PRPF38B: variants seen among roughly 807,000 people sequenced by gnomAD.
PRPF38B encodes pre-mRNA processing factor 38B.
PRPF38B carries 18 observed loss-of-function variants against 67.2 expected under a neutral mutation model. That is an observed-to-expected ratio of 0.27 (90% CI 0.19 to 0.40). The LOEUF is 0.40. Among genes scored for constraint, PRPF38B ranks in the 10% least tolerant of loss-of-function variants. The pLI, the probability that PRPF38B is intolerant of heterozygous loss-of-function variation, is 1.00. For synonymous variants in PRPF38B, 246 were observed against 234.2 expected, an observed-to-expected ratio of 1.05 and a Z score of -0.46; for missense variants, 544 against 684.9, an observed-to-expected ratio of 0.79 and a Z score of 2.30.
intron 2 of PRPF38B, 72 bp downstream of exon 2, chr1:108,695,842 G>T: frequency 1.3e-6 from 2 of 1,519,822 alleles, no homozygotes; most frequent in South Asian, 1.2e-5. Context: ...AGAACTAGAG[G>T]CCTGTCAATT....
At chr1:108,693,460 C>A in intron 1 of PRPF38B, 1 of 254,002 alleles carries the variant, frequency 3.9e-6, no homozygotes, top group Non-Finnish European at 6.2e-6. Context: ...GCCACCTGTG[C>A]ATTGGGCTAA....
At chr1:108,699,101 G>C in intron 5 of PRPF38B, 61 bp from the exon 6 acceptor site, 1 of 1,528,940 alleles carries the variant, frequency 6.5e-7, no homozygotes, top group Non-Finnish European at 8.7e-7. Context: ...AAGTTTTACT[G>C]TGAAAAGAAT....
chr1:108,692,551 C>CG lies in PRPF38B; in HGVS notation c.-41_-40insG. ...GAAGAGCGAGATCGAGCTTGGCCCC[C>CG]TCCCCCCCCTCCTTCCCTCCCTCCT... is the stretch of plus-strand genomic sequence containing the variant. On this transcript the variant is annotated 5_prime_UTR_variant, in exon 1 of 6. Coordinates refer to ENST00000370025, the MANE Select transcript of PRPF38B (RefSeq NM_018061.4). 2 of 1,476,946 alleles carry CG rather than the reference C, an allele frequency of 1.4e-6. No homozygotes were observed. The highest frequency in any genetic ancestry group is 1.8e-6 in the Non-Finnish European group (2 of 1,104,208). The allele number at this position is 1,476,946 out of a possible 1,614,324, so 91.5% of individuals were successfully genotyped here. A position where few individuals can be genotyped will look rare whatever the true frequency, so the allele number is the denominator to read the frequency against.
chr1:108,698,323 G>A (rs1228674471), intron 4 of PRPF38B: 8 of 310,670 alleles, frequency 2.6e-5, no homozygotes, highest in South Asian at 7.6e-5. Context: ...TAAGTCAATC[G>A]TTCCGCATAG....
At position 108,692,405 on chromosome 1, in the gene PRPF38B, T is replaced by G; in HGVS notation, c.-187T>G. On this transcript the variant is annotated 5_prime_UTR_variant, in exon 1 of 6. Transcript: ENST00000370025. ...TTCTCGCGGTCTGGGTTTCGCTGTC[T>G]GCTCTTGGCCCGGGGTCATTTTGTC... 1 of 663,348 alleles carries G rather than the reference T, an allele frequency of 1.5e-6. No individual in the cohort carries two copies. Among genetic ancestry groups the G allele is most frequent in the Non-Finnish European group, 2.5e-6 (1 of 400,720 alleles). The allele number at this position is 663,348 out of a possible 1,614,324, so 41.1% of individuals were successfully genotyped here.
chr1:108,698,972 TC>T, intron 5 of PRPF38B, 145 bp downstream of exon 5: 1 of 1,348,540 alleles, frequency 7.4e-7, no homozygotes, highest in Non-Finnish European at 9.9e-7. Flanking sequence ...ATTATTTTCT[TC>T]CTTTCAGGGC....
rs1239676064 is a variant in PRPF38B at position 108,699,626 on chromosome 1, A to G, written c.1247A>G (p.Lys416Arg). The G allele has an allele frequency of 5.8e-6, 9 of 1,556,382 alleles. No homozygotes were observed. Among genetic ancestry groups the G allele is most frequent in the Non-Finnish European group, 7.8e-6 (9 of 1,149,746 alleles). ...GATGATAGGCGGCACAGAGATGACA[A>G]AAGAGATTCCAAGAAAGAGAAAAAA... ...DKDDRRHRDD[K>R]RDSKKEKKHS... The change falls in exon 6 of 6, where the codon AAA becomes AGA. Residue 416 changes from lysine (K) to arginine (R), a missense_variant. Transcript: ENST00000370025.
chr1:108,692,366 C>A lies in PRPF38B; in HGVS notation c.-226C>A, dbSNP rs1231505412. The A allele has an allele frequency of 1.2e-5, 7 of 565,444 alleles. No individual in the cohort carries two copies. The highest frequency in any genetic ancestry group is 1.9e-5 in the Non-Finnish European group (6 of 322,048). 35.0% of individuals were successfully genotyped at this position (565,444 alleles called of 1,614,324 possible). A position where few individuals can be genotyped will look rare whatever the true frequency, so the allele number is the denominator to read the frequency against. On this transcript the variant is annotated 5_prime_UTR_variant, in exon 1 of 6. Transcript: ENST00000370025. Reference sequence around the variant, plus strand: ...ATCGAGCTCCCTGGCTGCCGGCTCGCCTTCTGCGTGGAGTTCTCGCGGTCT... The same window carrying A: ...ATCGAGCTCCCTGGCTGCCGGCTCGACTTCTGCGTGGAGTTCTCGCGGTCT...
chr1:108,699,821 G>T lies in PRPF38B; in HGVS notation c.1442G>T (p.Ser481Ile). ...AGTGGCAGTCAAGGAAGAACTGACA[G>T]TGTTGAAAAATCAAAAAAACGGGAA... ...SRSGSQGRTD[S>I]VEKSKKREHS... The change falls in exon 6 of 6, where the codon AGT becomes ATT. Residue 481 changes from serine to isoleucine, a missense_variant. By Grantham distance (142) the Ser-to-Ile change is moderately radical (BLOSUM62 -2). Around this residue, in one of 5 missense-constraint regions of PRPF38B, gnomAD observed 387 missense variants for 386.1 expected, o/e 1.00. Transcript: ENST00000370025. The T allele has an allele frequency of 6.2e-7, 1 of 1,613,100 alleles. No homozygotes were observed. The highest frequency in any genetic ancestry group is 8.5e-7 in the Non-Finnish European group (1 of 1,179,816).
At position 108,700,938 on chromosome 1, in the gene PRPF38B, G is replaced by T. The variant is rs1660425253; in HGVS notation, c.*918G>T. 1 of 152,248 alleles carries T rather than the reference G, an allele frequency of 6.6e-6. No homozygotes were observed. The highest frequency in any genetic ancestry group is 1.5e-5 in the Non-Finnish European group (1 of 68,006). 9.4% of individuals were successfully genotyped at this position (152,248 alleles called of 1,614,324 possible). A position where few individuals can be genotyped will look rare whatever the true frequency, so the allele number is the denominator to read the frequency against. On this transcript the variant is annotated 3_prime_UTR_variant, in exon 6 of 6. Coordinates refer to ENST00000370025, the MANE Select transcript of PRPF38B (RefSeq NM_018061.4). ...AGCTTCCAAAGCATTTTTATAAATG[G>T]AAAATCCTTAAATTATGAAACAGCT...
intron 4 of PRPF38B, chr1:108,698,361 T>C: frequency 4.9e-6 from 2 of 408,774 alleles, no homozygotes; most frequent in Admixed American, 8.1e-5. Context: ...CTTTTTCATA[T>C]TGTTAACTGA....
At chr1:108,692,900 A>G (rs536464377) in intron 1 of PRPF38B, 33 bp downstream of exon 1, 25 of 1,585,104 alleles carry the variant, frequency 1.6e-5, no homozygotes, top group Non-Finnish European at 2.0e-5. Flanking sequence ...CTTTGGGGGT[A>G]AGTTCGGAAG....
Position 108,692,702 on chromosome 1 carries a change from G to A in PRPF38B, c.111G>A (p.Pro37=), listed in dbSNP as rs371944348. 1.2e-6 allele frequency: 2 copies of A among 1,613,276 alleles called. No individual in the cohort carries two copies. Among genetic ancestry groups the A allele is most frequent in the Admixed American group, 1.7e-5 (1 of 60,014 alleles). ...GCGGCGGCGGCGGCGCTACCAAGCC[G>A]GCGGTCTCCGGCAAGCAGGGCAATG... ...QQCGGGGATK[P]AVSGKQGNVL... Residue 37 remains proline, a synonymous_variant, in exon 1 of 6, where the codon CCG becomes CCA. Transcript: ENST00000370025.
Position 108,692,519 on chromosome 1 carries a change from T to C in PRPF38B, c.-73T>C. ...TTCGATGGAGTAGGGTCCCAGACCG[T>C]TGTCCCGAAGAGCGAGATCGAGCTT... On this transcript the variant is annotated 5_prime_UTR_variant, in exon 1 of 6. Coordinates refer to ENST00000370025, the MANE Select transcript of PRPF38B (RefSeq NM_018061.4). 1 of 1,459,960 alleles carries C rather than the reference T, an allele frequency of 6.8e-7. No homozygotes were observed. The highest frequency in any genetic ancestry group is 1.4e-5 in the African/African-American group (1 of 70,936). 90.4% of individuals were successfully genotyped at this position (1,459,960 alleles called of 1,614,324 possible).
Position 108,701,213 on chromosome 1 carries a change from GT to G in PRPF38B, c.*1195del, listed in dbSNP as rs1467970566. ...CTGGGTCTTGGCTTTTCCCCCATTTGTTAAATTTTTTTAGCATATTTATATT... is the reference window on the plus strand; with the variant it reads ...CTGGGTCTTGGCTTTTCCCCCATTTGTAAATTTTTTTAGCATATTTATATT... On this transcript the variant is annotated 3_prime_UTR_variant, in exon 6 of 6. Transcript: ENST00000370025. 6.6e-6 allele frequency: 1 copy of G among 152,552 alleles called. No homozygotes were observed. The highest frequency in any genetic ancestry group is 1.5e-5 in the Non-Finnish European group (1 of 68,026). The allele number at this position is 152,552 out of a possible 1,614,324, so 9.4% of individuals were successfully genotyped here.
chr1:108,697,927 C>T (rs1193400839), intron 4 of PRPF38B: 1 of 152,156 alleles, frequency 6.6e-6, no homozygotes, highest in African/African-American at 2.4e-5. Context: ...TCTCACTTTC[C>T]TTGTGTGCTT....
In PRPF38B at chr1:108,702,793, A is replaced by T. The variant is rs1036848129; in HGVS notation, c.*2773A>T. Among the ~76,000 whole-genome samples, 39 of 152,282 alleles carry T rather than the reference A, an allele frequency of 2.6e-4. No individual in the cohort carries two copies. Among genetic ancestry groups the T allele is most frequent in the Admixed American group, 1.1e-3 (17 of 15,300 alleles). On this transcript the variant is annotated 3_prime_UTR_variant, in exon 6 of 6. Coordinates refer to ENST00000370025, the MANE Select transcript of PRPF38B (RefSeq NM_018061.4). ...TGAACTTAAAGTATAATTTAAAAAAATTTTTAATACAGCTTAATAAGCATC... is the reference window on the plus strand; with the variant it reads ...TGAACTTAAAGTATAATTTAAAAAATTTTTTAATACAGCTTAATAAGCATC...
intron 1 of PRPF38B, 35 bp from the exon 2 acceptor site, chr1:108,695,667 T>G: frequency 6.2e-7 from 1 of 1,604,562 alleles, no homozygotes. Flanking sequence ...ATTCAAAGTA[T>G]GAATGTTTGT....
In PRPF38B at chr1:108,699,935, C is replaced by T. The variant is rs1660299571; in HGVS notation, c.1556C>T (p.Ser519Leu). 6.2e-7 allele frequency: 1 copy of T among 1,613,832 alleles called. No homozygotes were observed. Among genetic ancestry groups the T allele is most frequent in the Non-Finnish European group, 8.5e-7 (1 of 1,180,000 alleles). Residue 519 changes from serine (S) to leucine (L), a missense_variant, in exon 6 of 6, where the codon TCA (serine) becomes TTA (leucine). Coordinates refer to ENST00000370025, the MANE Select transcript of PRPF38B (RefSeq NM_018061.4). The stretch of plus-strand genomic sequence containing the variant: ...GATCACAGTGATAGTAAGGACCAGT[C>T]AGACAAACATGATCGTCGAAGGAGC... ...KRDHSDSKDQ[S>L]DKHDRRRSQS... is the part of the protein sequence containing the mutation.
Sources: allele counts gnomAD v4.1 joint callset (sites outside exome capture counted in the v4.1 genomes callset), GRCh38; gene constraint gnomAD v4.1.1; regional missense constraint gnomAD v4.1.1; transcripts MANE v1.5; gene names NCBI Gene and HGNC (gene_info 2026-07-23, HGNC 2026-07-21).